Variants in DGKI observed in about 807,000 individuals in gnomAD.
DGKI encodes diacylglycerol kinase iota.
Under a neutral mutation model 147.5 loss-of-function variants are expected in DGKI, and 55 were observed. That is an observed-to-expected ratio of 0.37 (90% CI 0.30 to 0.47). The LOEUF (loss-of-function observed/expected upper bound fraction) is 0.47. DGKI is among the 20% of genes least tolerant of loss of function. The probability of loss-of-function intolerance (pLI) is 1.00; values close to 1 mark genes in which losing one functional copy is unlikely to be tolerated. For missense variants in DGKI, 1,007 were observed against 1,323.8 expected, an observed-to-expected ratio of 0.76 and a Z score of 3.71; for synonymous variants, 469 against 477.1, an observed-to-expected ratio of 0.98 and a Z score of 0.22.
At position 137,571,200 on chromosome 7, in the gene DGKI, A is replaced by G; in HGVS notation, c.1922T>C (p.Val641Ala). 6.2e-7 allele frequency: 1 copy of G among 1,610,496 alleles called. No individual in the cohort carries two copies. The highest frequency in any genetic ancestry group is 8.5e-7 in the Non-Finnish European group (1 of 1,179,374). The change falls in exon 19 of 33, where the codon GTC (valine) becomes GCC (alanine). Residue 641 changes from valine (V) to alanine (A), a missense_variant. By Grantham distance (64) the Val-to-Ala change is moderately conservative. Transcript: ENST00000614521. ...CAAAGAGGCCATGGTAAATCCAATG[A>G]CTTCAATATAACCATCATCATGACG... ...PQRHDDGYIE[V>A]IGFTMASLAA...
chr7:137,690,117 A>G (rs764109772), intron 1 of DGKI, 115 bp from the exon 2 acceptor site: 5 of 639,236 alleles, frequency 7.8e-6, no homozygotes, highest in Admixed American at 3.5e-5. Flanking sequence ...CCTCTTCCAC[A>G]TCTGAAAATC....
intron 3 of DGKI, among the ~76,000 whole-genome samples, chr7:137,660,516 C>T (rs1219011066): frequency 2.0e-5 from 3 of 152,168 alleles, no homozygotes; most frequent in African/African-American, 7.2e-5. Context: ...GGGAGAAAAA[C>T]TGTCACAGCT....
chr7:137,734,706 C>T (rs34823797), intron 1 of DGKI, among the ~76,000 whole-genome samples: 29,721 of 152,040 alleles, frequency 0.2, 3,790 homozygotes, highest in Middle Eastern at 0.35. Flanking sequence ...CTCCTATATT[C>T]CTGACCCACA....
At position 137,787,471 on chromosome 7, in the gene DGKI, T is replaced by A. The variant is rs1266508900; in HGVS notation, c.401+58991A>T. On this transcript the variant is annotated intron_variant, in intron 1 of 32. Transcript: ENST00000614521. ...AAGCAAAAAACCATAAAGTAATAGA[T>A]GTTGGCATGGATGCAATGAAAACAT... Among the ~76,000 whole-genome samples the A allele has an allele frequency of 2.6e-5, 4 of 152,174 alleles. No homozygotes were observed. The East Asian group carries it at 7.7e-4, about 29-fold the overall frequency.
chr7:137,445,646 A>T (rs1025864762), intron 27 of DGKI, among the ~76,000 whole-genome samples: 3 of 152,194 alleles, frequency 2.0e-5, no homozygotes, highest in African/African-American at 4.8e-5. Context: ...CAGTTCCATC[A>T]CACTGATATT....
intron 1 of DGKI, among the ~76,000 whole-genome samples, chr7:137,799,158 T>C (rs994956667): frequency 6.6e-6 from 1 of 152,180 alleles, no homozygotes; most frequent in African/African-American, 2.4e-5. Context: ...ATTCATACAA[T>C]TGAATAATAT....
chr7:137,671,892 A>T (rs1174098430), intron 3 of DGKI, among the ~76,000 whole-genome samples: 1 of 152,228 alleles, frequency 6.6e-6, no homozygotes, highest in Non-Finnish European at 1.5e-5. Context: ...AAAATACAAG[A>T]ACAAAACAAT....
intron 1 of DGKI, among the ~76,000 whole-genome samples, chr7:137,797,718 T>G (rs949038809): frequency 1.3e-5 from 2 of 151,978 alleles, no homozygotes; most frequent in African/African-American, 4.8e-5. Context: ...AATAGATGTT[T>G]AACACAAAAG....
rs942741476 is a variant in DGKI, at chr7:137,728,126, T to C, written c.402-38124A>G. ...GGTTTTCTGCAGAATGTCTGGTCAA[T>C]AAATATGTTTTTAATTTGGTGTTTC... On this transcript the variant is annotated intron_variant, in intron 1 of 32. Transcript: ENST00000614521. Among the ~76,000 whole-genome samples the C allele has an allele frequency of 7.2e-5, 11 of 152,314 alleles. No homozygotes were observed. In the South Asian group the frequency reaches 2.3e-3, roughly 32 times the overall value.
chr7:137,764,839 T>C (rs1795961445), intron 1 of DGKI, among the ~76,000 whole-genome samples: 4 of 152,170 alleles, frequency 2.6e-5, no homozygotes, highest in Admixed American at 6.6e-5. Flanking sequence ...CCCCACCTCC[T>C]ACCTCTCCAA....
chr7:137,506,131 A>G (rs1179044202), intron 21 of DGKI, among the ~76,000 whole-genome samples: 1 of 152,216 alleles, frequency 6.6e-6, no homozygotes. Context: ...GTTGAAAATT[A>G]TGTCCACATA....
At chr7:137,494,643 G>T (rs1318302524) in intron 21 of DGKI, among the ~76,000 whole-genome samples, 5 of 152,152 alleles carry the variant, frequency 3.3e-5, no homozygotes, top group Non-Finnish European at 5.9e-5. Flanking sequence ...ATTACCACCA[G>T]ACCCGCCTTA....
intron 1 of DGKI, among the ~76,000 whole-genome samples, chr7:137,720,859 G>C (rs13234743): frequency 0.46 from 70,444 of 151,916 alleles, 18,074 homozygotes; most frequent in African/African-American, 0.69. Context: ...ATTTAAAAAT[G>C]AGACAAGACA....
intron 7 of DGKI, 93 bp from the exon 8 acceptor site, chr7:137,620,033 A>ACT (rs1820689401): frequency 1.3e-6 from 1 of 743,628 alleles, no homozygotes; most frequent in Admixed American, 2.0e-5. Flanking sequence ...ACACACACAC[A>ACT]CACACACACA....
chr7:137,511,067 C>T (rs1254567267), intron 21 of DGKI, among the ~76,000 whole-genome samples: 2 of 152,138 alleles, frequency 1.3e-5, no homozygotes, highest in Admixed American at 6.5e-5. Flanking sequence ...AGTTTTTATC[C>T]ACGTAACTAG....
At position 137,383,771 on chromosome 7, in the gene DGKI, A is replaced by G. The variant is rs1811113740; in HGVS notation, c.*7449T>C. 6.6e-6 allele frequency: 1 copy of G among 151,984 alleles called. No homozygotes were observed. Among genetic ancestry groups the G allele is most frequent in the Non-Finnish European group, 1.5e-5 (1 of 67,938 alleles). The allele number at this position is 151,984 out of a possible 1,614,324, so 9.4% of individuals were successfully genotyped here. A position where few individuals can be genotyped will look rare whatever the true frequency, so the allele number is the denominator to read the frequency against. On this transcript the variant is annotated 3_prime_UTR_variant, in exon 33 of 33. Coordinates refer to ENST00000614521, the MANE Select transcript of DGKI (RefSeq NM_001321708.2). ...TTTCTTTCCTTATTTTATTCTACAA[A>G]TCATCTTCCCTGCAGAATTTGAAAC...
intron 23 of DGKI, 126 bp from the exon 24 acceptor site, chr7:137,469,745 C>G (rs1273563673): frequency 1.5e-6 from 1 of 674,316 alleles, no homozygotes; most frequent in Non-Finnish European, 2.3e-6. Context: ...ATTTTTTTTT[C>G]TCTAGGAACA....
intron 16 of DGKI, among the ~76,000 whole-genome samples, chr7:137,577,749 C>G (rs1386941341): frequency 1.3e-5 from 2 of 152,108 alleles, no homozygotes; most frequent in Admixed American, 1.3e-4. Context: ...ATTTTGGATG[C>G]CTTTTTTTCA....
chr7:137,643,905 T>G (rs1821740118), intron 6 of DGKI, among the ~76,000 whole-genome samples: 1 of 152,174 alleles, frequency 6.6e-6, no homozygotes. Context: ...GAAGATATTT[T>G]TCCAAAGTGA....
Sources: allele counts gnomAD v4.1 joint callset (sites outside exome capture counted in the v4.1 genomes callset), GRCh38; gene constraint gnomAD v4.1.1; transcripts MANE v1.5; gene names NCBI Gene and HGNC (gene_info 2026-07-23, HGNC 2026-07-21).